WWOX: variants seen among roughly 807,000 people sequenced by gnomAD.
The protein encoded by WWOX is WW domain containing oxidoreductase, also known as WW domain-containing oxidoreductase.
WWOX carries 69 observed loss-of-function variants against 46.2 expected under a neutral mutation model. The observed-to-expected ratio is 1.49, with a 90% confidence interval of 1.23 to 1.82. The LOEUF (loss-of-function observed/expected upper bound fraction) is 1.82. WWOX is among the 40% of genes most tolerant of loss of function. WWOX has a pLI of 0.00. For missense variants in WWOX, 919 were observed against 542.6 expected (o/e 1.69, Z -6.89); for synonymous variants, 359 against 202.6 (o/e 1.77, Z -6.56).
At chr16:79,020,728 G>T (rs565014858) in intron 8 of WWOX, among the ~76,000 whole-genome samples, 1 of 152,164 alleles carries the variant, frequency 6.6e-6, no homozygotes, top group African/African-American at 2.4e-5. Flanking sequence ...AGATGCAAGG[G>T]GAAGGGTGTT....
At position 78,707,206 on chromosome 16, in the gene WWOX, C is replaced by G. The variant is rs78437954; in HGVS notation, c.1056+274454C>G. ...TACCTTCTTTTACCACCCCTTACTC[C>G]CATCAGAGCACCATCAGTCTTTTGG... On this transcript the variant is annotated intron_variant, in intron 8 of 8. Transcript: ENST00000566780. 4.3e-3 allele frequency among the ~76,000 whole-genome samples: 659 copies of G among 152,230 alleles called. 2 individuals carry two copies. The highest frequency in any genetic ancestry group is 0.015 in the African/African-American group (634 of 41,538).
chr16:78,929,870 C>G (rs1045340876), intron 8 of WWOX, among the ~76,000 whole-genome samples: 3 of 152,232 alleles, frequency 2.0e-5, no homozygotes, highest in South Asian at 2.1e-4. Context: ...GCCTTTTTAC[C>G]CAGTATCTAG....
intron 8 of WWOX, among the ~76,000 whole-genome samples, chr16:78,915,893 C>G (rs1023251066): frequency 2.6e-5 from 4 of 152,146 alleles, no homozygotes; most frequent in African/African-American, 9.7e-5. Flanking sequence ...ATAGAAGAAG[C>G]CTGAATTTTA....
At position 78,193,792 on chromosome 16, in the gene WWOX, T is replaced by A. The variant is rs1163248062; in HGVS notation, c.516+29503T>A. ...GAGGGTGGATGAGAGTGAAGACATA[T>A]CCTTTTGAAACTTAATTTAATTTTT... On this transcript the variant is annotated intron_variant, in intron 5 of 8. Coordinates refer to ENST00000566780, the MANE Select transcript of WWOX (RefSeq NM_016373.4). Among the ~76,000 whole-genome samples the A allele has an allele frequency of 2.6e-5, 4 of 151,768 alleles. No homozygotes were observed. The East Asian group carries it at 7.7e-4, about 29-fold the overall frequency.
At chr16:78,731,983 A>C (rs987139088) in intron 8 of WWOX, among the ~76,000 whole-genome samples, 1 of 151,738 alleles carries the variant, frequency 6.6e-6, no homozygotes, top group Non-Finnish European at 1.5e-5. Flanking sequence ...AGTAGTTGGG[A>C]CAACAGGTAT....
intron 8 of WWOX, among the ~76,000 whole-genome samples, chr16:78,767,748 G>A (rs146925503): frequency 6.6e-6 from 1 of 152,212 alleles, no homozygotes; most frequent in East Asian, 1.9e-4. Flanking sequence ...TAAAAAAATA[G>A]AATAGCCATC....
intron 8 of WWOX, among the ~76,000 whole-genome samples, chr16:79,198,949 T>A (rs1489381516): frequency 6.6e-6 from 1 of 152,210 alleles, no homozygotes; most frequent in East Asian, 1.9e-4. Context: ...ATAGTGCAGT[T>A]GTTGAGACTG....
At chr16:78,599,687 G>T (rs1418475522) in intron 8 of WWOX, among the ~76,000 whole-genome samples, 2 of 152,202 alleles carry the variant, frequency 1.3e-5, no homozygotes, top group East Asian at 3.9e-4. Flanking sequence ...GTTGGACCAA[G>T]GGACATCCAC....
chr16:78,363,402 T>C, intron 5 of WWOX, among the ~76,000 whole-genome samples: 1 of 151,522 alleles, frequency 6.6e-6, no homozygotes, highest in Non-Finnish European at 1.5e-5. Context: ...GACCCCAAAG[T>C]AGCTGGGACC....
chr16:78,657,335 G>A lies in WWOX; in HGVS notation c.1056+224583G>A, dbSNP rs77494008. On this transcript the variant is annotated intron_variant, in intron 8 of 8. Transcript: ENST00000566780. ...CAGATGGGAAGAAAATGAGGTGGGG[G>A]GAAGGGGACTTTCTTGCTTCCTCAT... 5.7e-3 allele frequency among the ~76,000 whole-genome samples: 869 copies of A among 152,220 alleles called. 7 individuals are homozygous for A. Among genetic ancestry groups the A allele is most frequent in the African/African-American group, 0.02 (836 of 41,540 alleles).
intron 5 of WWOX, among the ~76,000 whole-genome samples, chr16:78,230,565 T>G (rs74027950): frequency 0.031 from 4,754 of 152,330 alleles, 248 homozygotes; most frequent in African/African-American, 0.11. Flanking sequence ...CAAGTTAACT[T>G]AAGTGGTTGA....
chr16:78,628,188 G>A (rs982683144), intron 8 of WWOX, among the ~76,000 whole-genome samples: 3 of 151,452 alleles, frequency 2.0e-5, no homozygotes, highest in Non-Finnish European at 2.9e-5. Flanking sequence ...AATTGTCATG[G>A]CTGCCGTCTG....
chr16:78,411,723 A>G (rs919766143), intron 6 of WWOX, among the ~76,000 whole-genome samples: 1 of 152,224 alleles, frequency 6.6e-6, no homozygotes, highest in Admixed American at 6.5e-5. Flanking sequence ...GAGAATGTAG[A>G]GGTGACAAGA....
intron 8 of WWOX, chr16:78,506,568 C>G (rs890418182): frequency 6.9e-4 from 105 of 152,256 alleles, no homozygotes; most frequent in African/African-American, 2.5e-3. Context: ...ACAGAATCCC[C>G]TAAGTGGGAA....
intron 6 of WWOX, among the ~76,000 whole-genome samples, chr16:78,406,568 C>G (rs1157362969): frequency 6.7e-6 from 1 of 150,368 alleles, no homozygotes. Context: ...CGAGGATGGT[C>G]TCAGTCTCCT....
chr16:78,690,203 T>C (rs1199290118), intron 8 of WWOX, among the ~76,000 whole-genome samples: 2 of 152,084 alleles, frequency 1.3e-5, no homozygotes, highest in East Asian at 1.9e-4. Context: ...TGCCAACTTT[T>C]TGAGGACCAT....
At chr16:78,954,720 A>G (rs1457023475) in intron 8 of WWOX, among the ~76,000 whole-genome samples, 1 of 152,184 alleles carries the variant, frequency 6.6e-6, no homozygotes, top group African/African-American at 2.4e-5. Flanking sequence ...GGTGGGTGCC[A>G]TAATAAAAAT....
intron 8 of WWOX, among the ~76,000 whole-genome samples, chr16:78,888,631 G>A (rs1198869268): frequency 6.6e-6 from 1 of 152,092 alleles, no homozygotes; most frequent in African/African-American, 2.4e-5. Context: ...TGCTGACCGA[G>A]CCAGAACTTA....
intron 8 of WWOX, among the ~76,000 whole-genome samples, chr16:78,448,973 G>A (rs1344877272): frequency 6.6e-6 from 1 of 152,176 alleles, no homozygotes; most frequent in Non-Finnish European, 1.5e-5. Flanking sequence ...TGGTTACAGA[G>A]GGAACTTTTT....
Sources: allele counts gnomAD v4.1 joint callset (sites outside exome capture counted in the v4.1 genomes callset), GRCh38; gene constraint gnomAD v4.1.1; transcripts MANE v1.5; gene names NCBI Gene and HGNC (gene_info 2026-07-23, HGNC 2026-07-21).